SLC39A12: variants seen among roughly 807,000 people sequenced by gnomAD.
SLC39A12 encodes solute carrier family 39 member 12, also known as zinc transporter ZIP12.
In SLC39A12, 63 loss-of-function variants were observed where a neutral mutation model predicts 71.1. That is an observed-to-expected ratio of 0.89 (90% CI 0.72 to 1.09). SLC39A12 has a LOEUF of 1.09. SLC39A12 is among the 50% of genes least tolerant of loss of function. SLC39A12 has a pLI of 0.00. For missense variants in SLC39A12, 892 were observed against 812.6 expected (o/e 1.10, Z -1.19); for synonymous variants, 351 against 301.3 (o/e 1.16, Z -1.71).
At chr10:17,993,822 T>A (rs188950395) in intron 9 of SLC39A12, among the ~76,000 whole-genome samples, 3 of 152,348 alleles carry the variant, frequency 2.0e-5, no homozygotes, top group Admixed American at 6.5e-5. Flanking sequence ...TGTCCAATCA[T>A]GTTCAAAACA....
intron 12 of SLC39A12, among the ~76,000 whole-genome samples, chr10:18,038,825 A>G (rs955833625): frequency 2.6e-5 from 4 of 152,296 alleles, no homozygotes; most frequent in African/African-American, 7.2e-5. Flanking sequence ...TCTAGGGTCT[A>G]CTTCTCCTCA....
At chr10:18,003,428 A>C (rs999809849) in intron 12 of SLC39A12, 70 bp downstream of exon 12, 1 of 1,377,718 alleles carries the variant, frequency 7.3e-7, no homozygotes, top group East Asian at 2.3e-5. Flanking sequence ...AAAAAACAGT[A>C]AAAATGGAAG....
chr10:17,970,418 A>G (rs1042954480), intron 4 of SLC39A12, among the ~76,000 whole-genome samples: 3 of 152,118 alleles, frequency 2.0e-5, no homozygotes, highest in South Asian at 4.1e-4. Flanking sequence ...CAATCCATGA[A>G]TATGGAATGC....
chr10:17,957,088 A>G (rs1398823623), intron 2 of SLC39A12, among the ~76,000 whole-genome samples: 2 of 152,224 alleles, frequency 1.3e-5, no homozygotes, highest in Non-Finnish European at 2.9e-5. Flanking sequence ...TCAAGTTTCT[A>G]TAATATAAAA....
chr10:17,964,220 ACT>A (rs1330558022), intron 3 of SLC39A12, among the ~76,000 whole-genome samples: 6 of 152,052 alleles, frequency 3.9e-5, no homozygotes, highest in Admixed American at 1.3e-4. Context: ...TGAAGTTCAA[ACT>A]CTGTTATTTC....
At chr10:18,017,654 C>T (rs1315228420) in intron 12 of SLC39A12, among the ~76,000 whole-genome samples, 4 of 152,110 alleles carry the variant, frequency 2.6e-5, no homozygotes. Flanking sequence ...GCCATTGCTC[C>T]ATTTTATTGT....
chr10:17,952,974 G>C (rs944739008), intron 1 of SLC39A12, among the ~76,000 whole-genome samples: 3 of 152,170 alleles, frequency 2.0e-5, no homozygotes, highest in South Asian at 4.1e-4. Context: ...GTTTAGTTTA[G>C]GGAGAGAGAA....
rs1564638645 is a variant in SLC39A12 at position 17,961,578 on chromosome 10, C to T, written c.262-3C>T. Reference sequence around the variant, plus strand: ...TTGTTGTTGTTATTGTTTTCTTCCACAGTGCTTTGAACCAGATGCACTATT... The same window carrying T: ...TTGTTGTTGTTATTGTTTTCTTCCATAGTGCTTTGAACCAGATGCACTATT... On this transcript the variant is annotated splice_polypyrimidine_tract_variant and splice_region_variant and intron_variant, in intron 2 of 12. Coordinates refer to ENST00000377369, the MANE Select transcript of SLC39A12 (RefSeq NM_001145195.2). 13 of 1,601,874 alleles carry T rather than the reference C, an allele frequency of 8.1e-6. No individual in the cohort carries two copies. The highest frequency in any genetic ancestry group is 1.1e-5 in the Non-Finnish European group (13 of 1,176,230).
At chr10:17,988,408 G>C (rs908217931) in intron 7 of SLC39A12, among the ~76,000 whole-genome samples, 1 of 152,092 alleles carries the variant, frequency 6.6e-6, no homozygotes, top group Non-Finnish European at 1.5e-5. Flanking sequence ...CTCATTATGT[G>C]ATGTGCCTGC....
At chr10:18,020,533 A>C (rs1477455889) in intron 12 of SLC39A12, among the ~76,000 whole-genome samples, 2 of 152,006 alleles carry the variant, frequency 1.3e-5, no homozygotes, top group Non-Finnish European at 2.9e-5. Context: ...TAACTTCTTT[A>C]AGAAATCTCC....
intron 12 of SLC39A12, among the ~76,000 whole-genome samples, chr10:18,027,870 T>C (rs564460759): frequency 1.3e-5 from 2 of 152,376 alleles, no homozygotes; most frequent in African/African-American, 4.8e-5. Context: ...GCCTGCCTTC[T>C]GCAAGGACAA....
intron 12 of SLC39A12, among the ~76,000 whole-genome samples, chr10:18,021,173 C>A (rs1589252232): frequency 2.0e-5 from 3 of 151,932 alleles, no homozygotes; most frequent in Admixed American, 2.0e-4. Context: ...GGTCCAGTTT[C>A]TATCTTCTGC....
intron 12 of SLC39A12, among the ~76,000 whole-genome samples, chr10:18,034,509 C>A (rs1329419721): frequency 1.3e-5 from 2 of 151,676 alleles, no homozygotes; most frequent in African/African-American, 4.8e-5. Context: ...GGTAGATCTT[C>A]CTCCATCCTT....
In SLC39A12 at chr10:17,965,682, G is replaced by C. The variant is rs755814869; in HGVS notation, c.743G>C (p.Arg248Pro). The C allele has an allele frequency of 3.7e-6, 6 of 1,611,906 alleles. No homozygotes were observed. The African/African-American group carries it at 4.0e-5, about 11-fold the overall frequency. ...TCCTTGAATCGTACGAATACCCTCC[G>C]CCTATCAGGTAAGGATGTTTTCACG... The part of the protein sequence containing the change: ...FSSLNRTNTL[R>P]LSELDQLLNT... Residue 248 changes from arginine to proline, a missense_variant, in exon 4 of 13, where the codon CGC becomes CCC. By Grantham distance (103) the Arg-to-Pro change is moderately radical. Transcript: ENST00000377369.
chr10:18,036,668 C>T (rs1837033216), intron 12 of SLC39A12, among the ~76,000 whole-genome samples: 2 of 150,162 alleles, frequency 1.3e-5, no homozygotes, highest in Middle Eastern at 3.4e-3. Flanking sequence ...CATCTTGGCT[C>T]CTCCCCCGTG....
chr10:18,042,384 G>T (rs577882626), intron 12 of SLC39A12, among the ~76,000 whole-genome samples: 1 of 148,050 alleles, frequency 6.8e-6, no homozygotes, highest in East Asian at 2.1e-4. Context: ...GATTGCTGGA[G>T]CCCAGGAGGT....
At chr10:18,035,963 G>T (rs1214874291) in intron 12 of SLC39A12, among the ~76,000 whole-genome samples, 1 of 152,156 alleles carries the variant, frequency 6.6e-6, no homozygotes, top group African/African-American at 2.4e-5. Flanking sequence ...GCTGCTCGGG[G>T]GTCAGGGGTC....
At chr10:17,983,588 C>A (rs1199361808) in intron 6 of SLC39A12, among the ~76,000 whole-genome samples, 1 of 152,070 alleles carries the variant, frequency 6.6e-6, no homozygotes, top group East Asian at 1.9e-4. Flanking sequence ...TCGAGACCAG[C>A]CTGGCCAACA....
Position 17,991,316 on chromosome 10 carries a change from GT to G in SLC39A12, c.1422+17del. On this transcript the variant is annotated intron_variant, in intron 8 of 12. Coordinates refer to ENST00000377369, the MANE Select transcript of SLC39A12 (RefSeq NM_001145195.2). Reference sequence around the variant, plus strand: ...ACCAAATGACAAGGTATATTTTTAAGTTTTATTTGTCTTGTGCTTTAAAGTC... The same window carrying G: ...ACCAAATGACAAGGTATATTTTTAAGTTTATTTGTCTTGTGCTTTAAAGTC... 6.4e-7 allele frequency: 1 copy of G among 1,558,332 alleles called. No homozygotes were observed. Among genetic ancestry groups the G allele is most frequent in the African/African-American group, 1.4e-5 (1 of 71,694 alleles).
Sources: allele counts gnomAD v4.1 joint callset (sites outside exome capture counted in the v4.1 genomes callset), GRCh38; gene constraint gnomAD v4.1.1; transcripts MANE v1.5; gene names NCBI Gene and HGNC (gene_info 2026-07-23, HGNC 2026-07-21).